Variants in DAB1 observed in about 807,000 individuals in gnomAD.
DAB1 encodes the protein DAB adaptor protein 1, also known as disabled homolog 1.
A neutral mutation model predicts 64.6 loss-of-function variants in DAB1; 15 were observed. The ratio of observed to expected loss-of-function variants is 0.23; its 90% CI spans 0.16 to 0.36. The LOEUF (loss-of-function observed/expected upper bound fraction) is 0.36, where lower values mean the gene tolerates loss of function less well. Ranked by LOEUF, DAB1 falls within the 10% of genes least tolerant of loss-of-function variation. The probability of loss-of-function intolerance (pLI) is 1.00; values close to 1 mark genes in which losing one functional copy is unlikely to be tolerated. For synonymous variants in DAB1, 235 were observed against 251.9 expected (o/e 0.93, Z 0.64); for missense variants, 596 against 706.7 (o/e 0.84, Z 1.78).
At chr1:57,036,434 C>T (rs2100452879) in intron 9 of DAB1, among the ~76,000 whole-genome samples, 1 of 152,286 alleles carries the variant, frequency 6.6e-6, no homozygotes, top group South Asian at 2.1e-4. Flanking sequence ...CTGTTTGGGG[C>T]AACCTTTGGA....
At chr1:58,226,903 G>A (rs1026605598) in intron 4 of DAB1, among the ~76,000 whole-genome samples, 11 of 152,130 alleles carry the variant, frequency 7.2e-5, no homozygotes, top group African/African-American at 1.9e-4. Context: ...AATGTCTTCC[G>A]GAGGAACCCA....
intron 2 of DAB1, among the ~76,000 whole-genome samples, chr1:57,197,217 G>A (rs1664695905): frequency 1.3e-5 from 2 of 151,974 alleles, no homozygotes. Context: ...GGTGGCACGT[G>A]TCTGTAATCC....
intron 5 of DAB1, among the ~76,000 whole-genome samples, chr1:57,967,681 T>C (rs770615853): frequency 6.6e-6 from 1 of 152,148 alleles, no homozygotes; most frequent in African/African-American, 2.4e-5. Context: ...GAGATAATAA[T>C]TGTAGCTACT....
At chr1:57,620,807 AG>A (rs1400951172) in intron 7 of DAB1, among the ~76,000 whole-genome samples, 1 of 152,156 alleles carries the variant, frequency 6.6e-6, no homozygotes, top group Admixed American at 6.5e-5. Context: ...GTCTGGAAGC[AG>A]GGGGGCAGCG....
upstream of DAB1, chr1:57,424,140 GCCCCCCGCCCCGCCGCC>G (rs1685156364): frequency 6.7e-6 from 1 of 148,702 alleles, no homozygotes; most frequent in South Asian, 1.8e-4. Flanking sequence ...TCCTCCCGCG[GCCCCCCGCCCCGCCGCC>G]CCCCGCGCCC....
intron 4 of DAB1, among the ~76,000 whole-genome samples, chr1:58,192,226 C>G (rs1266577750): frequency 6.6e-6 from 1 of 152,108 alleles, no homozygotes; most frequent in African/African-American, 2.4e-5. Context: ...ATGGTGGTTG[C>G]CAGGGGCTGG....
At chr1:57,166,780 C>T (rs1661245921) in intron 2 of DAB1, among the ~76,000 whole-genome samples, 1 of 152,142 alleles carries the variant, frequency 6.6e-6, no homozygotes, top group Non-Finnish European at 1.5e-5. Context: ...AGTGACTATG[C>T]CACATTATTG....
At chr1:58,246,436 G>A (rs1204099631) in intron 4 of DAB1, among the ~76,000 whole-genome samples, 2 of 152,206 alleles carry the variant, frequency 1.3e-5, no homozygotes, top group African/African-American at 4.8e-5. Flanking sequence ...TCACTTTTAA[G>A]ATGGATCCTA....
At chr1:57,087,849 G>A (rs34949170) in intron 4 of DAB1, among the ~76,000 whole-genome samples, 8 of 152,040 alleles carry the variant, frequency 5.3e-5, no homozygotes, top group African/African-American at 1.2e-4. Flanking sequence ...TAACCTGTCC[G>A]GGCTTCCACT....
At chr1:58,166,802 G>A (rs1655862783) in intron 4 of DAB1, among the ~76,000 whole-genome samples, 2 of 150,514 alleles carry the variant, frequency 1.3e-5, no homozygotes, top group Admixed American at 1.3e-4. Context: ...ACCCAGGCTG[G>A]AGTGTAGTGA....
At chr1:58,296,569 T>A (rs943829317) in intron 4 of DAB1, among the ~76,000 whole-genome samples, 1 of 152,214 alleles carries the variant, frequency 6.6e-6, no homozygotes, top group Non-Finnish European at 1.5e-5. Context: ...TGCTTTTATT[T>A]GTGCCATTCC....
At chr1:57,044,886 T>C (rs943777175) in intron 9 of DAB1, among the ~76,000 whole-genome samples, 1 of 152,226 alleles carries the variant, frequency 6.6e-6, no homozygotes, top group Non-Finnish European at 1.5e-5. Flanking sequence ...TTATAGCTAA[T>C]GCTTAGATGG....
chr1:57,441,227 T>G (rs1384303482), intron 7 of DAB1, among the ~76,000 whole-genome samples: 1 of 151,968 alleles, frequency 6.6e-6, no homozygotes, highest in Non-Finnish European at 1.5e-5. Context: ...GCATAGTATT[T>G]TATGCACAGG....
chr1:57,665,759 C>A (rs1266689280), intron 6 of DAB1, among the ~76,000 whole-genome samples: 4 of 151,292 alleles, frequency 2.6e-5, no homozygotes, highest in Non-Finnish European at 5.9e-5. Flanking sequence ...CACACCCACA[C>A]ATATACATAC....
At chr1:57,336,053 G>A (rs1330102258) in intron 1 of DAB1, among the ~76,000 whole-genome samples, 4 of 152,310 alleles carry the variant, frequency 2.6e-5, no homozygotes, top group South Asian at 2.1e-4. Context: ...GCAGGCAGCC[G>A]GCATGGCATT....
intron 1 of DAB1, among the ~76,000 whole-genome samples, chr1:57,399,663 A>G (rs963826090): frequency 1.3e-5 from 2 of 152,200 alleles, no homozygotes; most frequent in Non-Finnish European, 2.9e-5. Flanking sequence ...AGAAGCCTTC[A>G]TTTTACAGAT....
intron 3 of DAB1, among the ~76,000 whole-genome samples, chr1:58,397,295 C>T (rs1355478591): frequency 6.6e-6 from 1 of 152,162 alleles, no homozygotes; most frequent in African/African-American, 2.4e-5. Context: ...ATTGGTTGTT[C>T]TGACATTTCA....
intron 4 of DAB1, among the ~76,000 whole-genome samples, chr1:57,125,669 T>A (rs976008806): frequency 1.3e-5 from 2 of 151,980 alleles, no homozygotes; most frequent in Non-Finnish European, 2.9e-5. Context: ...AGACCAAAGG[T>A]TGAGATTTAA....
intron 7 of DAB1, among the ~76,000 whole-genome samples, chr1:57,538,934 G>A (rs1644762952): frequency 6.6e-6 from 1 of 152,192 alleles, no homozygotes; most frequent in Non-Finnish European, 1.5e-5. Flanking sequence ...GCATGCTTGG[G>A]ATACAGCAGG....
Sources: allele counts gnomAD v4.1 joint callset (sites outside exome capture counted in the v4.1 genomes callset), GRCh38; gene constraint gnomAD v4.1.1; transcripts MANE v1.5; gene names NCBI Gene and HGNC (gene_info 2026-07-23, HGNC 2026-07-21).